Variants in MMP20 observed in about 807,000 individuals in gnomAD.
MMP20 encodes matrix metallopeptidase 20.
MMP20 carries 50 observed loss-of-function variants against 51.8 expected under a neutral mutation model. The observed-to-expected ratio is 0.97, with a 90% CI of 0.77 to 1.22. The LOEUF is 1.22. MMP20 is among the 50% of genes most tolerant of loss of function. The pLI, the probability that MMP20 is intolerant of heterozygous loss-of-function variation, is 0.00. For synonymous variants in MMP20, 244 were observed against 216.2 expected, an observed-to-expected ratio of 1.13 and a Z score of -1.13; for missense variants, 663 against 601.4, an observed-to-expected ratio of 1.10 and a Z score of -1.07.
intron 6 of MMP20, among the ~76,000 whole-genome samples, chr11:102,603,588 A>G (rs894894618): frequency 6.6e-6 from 1 of 152,226 alleles, no homozygotes; most frequent in Admixed American, 6.5e-5. Flanking sequence ...AGTGCTTTGC[A>G]TAATAAGTAC....
At position 102,594,664 on chromosome 11, in the gene MMP20, T is replaced by C. The variant is rs1388628306; in HGVS notation, c.1047A>G (p.Ala349=). ...SFPQLMSNVD[A]AYEVAERGTA... is the part of the protein sequence containing the mutation. ...TGCCCCTCTCAGCCACTTCGTAAGC[T>C]GCATCCACATTGGACATGAGCTGGG... The change falls in exon 7 of 10, where the codon GCA becomes GCG. Residue 349 remains alanine (A), a synonymous_variant. Coordinates refer to ENST00000260228, the MANE Select transcript of MMP20 (RefSeq NM_004771.4). 2 of 1,613,154 alleles carry C rather than the reference T, an allele frequency of 1.2e-6. No individual in the cohort carries two copies. The highest frequency in any genetic ancestry group is 2.2e-5 in the East Asian group (1 of 44,842).
At chr11:102,595,047 G>A (rs746209911) in intron 6 of MMP20, among the ~76,000 whole-genome samples, 6 of 151,788 alleles carry the variant, frequency 4.0e-5, no homozygotes, top group South Asian at 2.1e-4. Context: ...TCAGCTTCCC[G>A]AATAACTGGG....
At position 102,611,829 on chromosome 11, in the gene MMP20, C is replaced by T. The variant is rs1859604345; in HGVS notation, c.449G>A (p.Ser150Asn). The change falls in exon 3 of 10, where the codon AGT (serine) becomes AAT (asparagine). Residue 150 changes from serine to asparagine, a missense_variant. Ser to Asn is a conservative substitution (Grantham distance 46). Transcript: ENST00000260228. ...KAVEMALQAWSSAVPLSFVRI... is the reference protein window; with the variant it reads ...KAVEMALQAWNSAVPLSFVRI... Reference sequence around the variant, plus strand: ...GACAAAGCTCAGAGGGACGGCGCTACTCCAGGCCTGCAAGGCCATCTCCAC... The same window carrying T: ...GACAAAGCTCAGAGGGACGGCGCTATTCCAGGCCTGCAAGGCCATCTCCAC... The T allele has an allele frequency of 1.2e-6, 2 of 1,614,128 alleles. No homozygotes were observed. The highest frequency in any genetic ancestry group is 8.5e-7 in the Non-Finnish European group (1 of 1,180,046).
intron 3 of MMP20, 37 bp from the exon 4 acceptor site, chr11:102,610,067 CCTT>C (rs1389292670): frequency 6.2e-7 from 1 of 1,612,644 alleles, no homozygotes; most frequent in East Asian, 2.2e-5. Flanking sequence ...AAGATTGAGT[CCTT>C]CTAGAAATTC....
At chr11:102,588,479 T>C (rs943831597) in intron 8 of MMP20, among the ~76,000 whole-genome samples, 12 of 152,288 alleles carry the variant, frequency 7.9e-5, no homozygotes, top group African/African-American at 2.9e-4. Flanking sequence ...GTCTTTTCTT[T>C]AGCCAAATAC....
At chr11:102,608,061 C>T (rs1160104877) in intron 5 of MMP20, 1 of 152,116 alleles carries the variant, frequency 6.6e-6, no homozygotes, top group Non-Finnish European at 1.5e-5. Flanking sequence ...TCTGGGCTTC[C>T]CACCCTCCAG....
At chr11:102,618,607 G>A (rs1859705904) in intron 1 of MMP20, among the ~76,000 whole-genome samples, 1 of 151,896 alleles carries the variant, frequency 6.6e-6, no homozygotes, top group African/African-American at 2.4e-5. Context: ...GCAATATACT[G>A]AGAAAAGAAG....
intron 6 of MMP20, among the ~76,000 whole-genome samples, chr11:102,603,399 C>A (rs1157476405): frequency 6.6e-6 from 1 of 152,122 alleles, no homozygotes; most frequent in Non-Finnish European, 1.5e-5. Context: ...CTCTGGACAG[C>A]ACCTTAGGAG....
In MMP20 at chr11:102,593,896, T is replaced by C. The variant is rs544399300; in HGVS notation, c.1091-301A>G. On this transcript the variant is annotated intron_variant, in intron 7 of 9. Coordinates refer to ENST00000260228, the MANE Select transcript of MMP20 (RefSeq NM_004771.4). ...CATTTATAATCTCATTTCACCTTCA[T>C]AGATCTACGAGAGAGAATGGGCAAG... Among the ~76,000 whole-genome samples, 16 of 152,352 alleles carry C rather than the reference T, an allele frequency of 1.1e-4. No homozygotes were observed. In the East Asian group the frequency reaches 2.7e-3, roughly 26 times the overall value.
intron 2 of MMP20, among the ~76,000 whole-genome samples, chr11:102,615,172 AAAT>A (rs1225695637): frequency 6.8e-6 from 1 of 146,658 alleles, no homozygotes; most frequent in Non-Finnish European, 1.5e-5. Flanking sequence ...TATTATTATA[AAAT>A]AATGTTTTAA....
At chr11:102,599,026 T>G (rs1438331060) in intron 6 of MMP20, among the ~76,000 whole-genome samples, 2 of 150,976 alleles carry the variant, frequency 1.3e-5, no homozygotes, top group Non-Finnish European at 3.0e-5. Flanking sequence ...TTTTTTTTTT[T>G]TTTTGAGATG....
intron 6 of MMP20, among the ~76,000 whole-genome samples, chr11:102,599,520 G>C (rs190450248): frequency 1.8e-4 from 27 of 152,296 alleles, no homozygotes; most frequent in African/African-American, 6.5e-4. Flanking sequence ...CACTTAAAAG[G>C]ATCAATTGAA....
intron 2 of MMP20, among the ~76,000 whole-genome samples, chr11:102,616,007 T>C (rs1227190820): frequency 6.6e-6 from 1 of 152,070 alleles, no homozygotes; most frequent in Non-Finnish European, 1.5e-5. Flanking sequence ...CAGGTCTGGC[T>C]GTGGGAGAGG....
intron 8 of MMP20, among the ~76,000 whole-genome samples, chr11:102,588,355 C>T (rs1463897750): frequency 6.6e-6 from 1 of 151,886 alleles, no homozygotes; most frequent in East Asian, 1.9e-4. Context: ...TCTAAAGAAG[C>T]TGAGAAGAGA....
At chr11:102,593,747 T>G in intron 7 of MMP20, 152 bp from the exon 8 acceptor site, 1 of 874,156 alleles carries the variant, frequency 1.1e-6, no homozygotes, top group South Asian at 1.7e-5. Context: ...TTCTAACTAT[T>G]CAGTTCAGTA....
Position 102,596,987 on chromosome 11 carries a change from A to C in MMP20, c.954-2230T>G, listed in dbSNP as rs145030750. ...CTGAAGAGCAAGTGTGTTCCAATTA[A>C]TGCAATTCAATACATAGCTCTGAAA... On this transcript the variant is annotated intron_variant, in intron 6 of 9. Transcript: ENST00000260228. Among the ~76,000 whole-genome samples the C allele has an allele frequency of 5.1e-3, 783 of 152,344 alleles. 2 individuals are homozygous for C. The highest frequency in any genetic ancestry group is 0.013 in the Admixed American group (199 of 15,300).
At chr11:102,618,683 C>T (rs182485853) in intron 1 of MMP20, among the ~76,000 whole-genome samples, 1 of 152,184 alleles carries the variant, frequency 6.6e-6, no homozygotes, top group East Asian at 1.9e-4. Context: ...CACGCATATA[C>T]ACACACGCAC....
chr11:102,608,211 C>G (rs1859544088), intron 5 of MMP20: 1 of 152,162 alleles, frequency 6.6e-6, no homozygotes, highest in African/African-American at 2.4e-5. Flanking sequence ...AAGCAATTTC[C>G]TAGATCTTTT....
intron 1 of MMP20, among the ~76,000 whole-genome samples, chr11:102,621,375 CTT>C (rs1488965127): frequency 1.3e-5 from 2 of 152,200 alleles, no homozygotes; most frequent in Non-Finnish European, 2.9e-5. Context: ...TTTGTGAGAA[CTT>C]TTAAAGCTGT....
Sources: gnomAD v4.1 joint callset for allele counts (sites outside exome capture counted in the v4.1 genomes callset) on GRCh38, gnomAD v4.1.1 for gene constraint, MANE v1.5 for transcripts, NCBI Gene and HGNC (gene_info 2026-07-23, HGNC 2026-07-21) for gene names.